The following KLHL29 variants were observed in gnomAD, a reference collection of about 807,000 sequenced individuals.
KLHL29 encodes kelch-like protein 29.
Under a neutral mutation model 80.4 loss-of-function variants are expected in KLHL29, and 21 were observed. The ratio of observed to expected loss-of-function variants is 0.26; its 90% CI spans 0.19 to 0.38. KLHL29 has a LOEUF of 0.38. Ranked by LOEUF, KLHL29 falls within the 10% of genes least tolerant of loss-of-function variation. The pLI, the probability that KLHL29 is intolerant of heterozygous loss-of-function variation, is 1.00. For synonymous variants in KLHL29, 511 were observed against 526.8 expected, an observed-to-expected ratio of 0.97 and a Z score of 0.41; for missense variants, 867 against 1,223.9, an observed-to-expected ratio of 0.71 and a Z score of 4.35.
chr2:23,608,415 A>G (rs1414400416), intron 3 of KLHL29, among the ~76,000 whole-genome samples: 3 of 147,416 alleles, frequency 2.0e-5, no homozygotes. Context: ...CCCCTACAAG[A>G]CTGCAGTCTC....
intron 5 of KLHL29, among the ~76,000 whole-genome samples, chr2:23,655,985 T>A (rs1670233380): frequency 6.6e-6 from 1 of 152,192 alleles, no homozygotes; most frequent in African/African-American, 2.4e-5. Context: ...CGCAGTTGCT[T>A]AAGAGCACAA....
chr2:23,562,509 G>C lies in KLHL29; in HGVS notation c.285+28G>C, dbSNP rs772793592. On this transcript the variant is annotated intron_variant, in intron 3 of 13. Coordinates refer to ENST00000486442, the MANE Select transcript of KLHL29 (RefSeq NM_052920.2). The surrounding 1 kb of genome is among the most constrained non-coding windows in gnomAD (Gnocchi z 4.5). ...AAGATGTGGTGTCATCTCTGAGCAG[G>C]AGCCGGACAGAGGGGCCCTGCCTCC... The C allele has an allele frequency of 6.5e-7, 1 of 1,532,458 alleles. No homozygotes were observed. The highest frequency in any genetic ancestry group is 2.0e-5 in the Admixed American group (1 of 50,780). The allele number at this position is 1,532,458 out of a possible 1,614,324, so 94.9% of individuals were successfully genotyped here. A position where few individuals can be genotyped will look rare whatever the true frequency, so the allele number is the denominator to read the frequency against.
chr2:23,421,479 T>C (rs1052643807), intron 1 of KLHL29, among the ~76,000 whole-genome samples: 2 of 151,762 alleles, frequency 1.3e-5, no homozygotes, highest in African/African-American at 4.8e-5. Context: ...TGGTACAAAG[T>C]CATTCTGCTT....
chr2:23,524,439 G>A (rs968471880), intron 2 of KLHL29: 43 of 171,528 alleles, frequency 2.5e-4, no homozygotes, highest in African/African-American at 9.4e-4. Flanking sequence ...TGTGAGTCAC[G>A]GTGATGGATG....
chr2:23,689,549 C>G (rs1346042644), intron 6 of KLHL29: 3 of 152,360 alleles, frequency 2.0e-5, no homozygotes, highest in Non-Finnish European at 4.4e-5. Context: ...CTGAAGTCCC[C>G]CTGGGCTCAG....
At chr2:23,474,706 G>C (rs1170539744) in intron 1 of KLHL29, among the ~76,000 whole-genome samples, 1 of 152,116 alleles carries the variant, frequency 6.6e-6, no homozygotes, top group Non-Finnish European at 1.5e-5. Flanking sequence ...CCATAAGGCA[G>C]AATGAGTTTA....
chr2:23,578,012 G>A (rs917076068), intron 3 of KLHL29, among the ~76,000 whole-genome samples: 7 of 152,164 alleles, frequency 4.6e-5, no homozygotes, highest in African/African-American at 1.2e-4. Flanking sequence ...GGGCCATTCT[G>A]AAGCCACTGA....
intron 2 of KLHL29, among the ~76,000 whole-genome samples, chr2:23,520,992 A>ACCGCC (rs1485391256): frequency 1.1e-5 from 1 of 91,142 alleles, no homozygotes; most frequent in Admixed American, 1.1e-4. Context: ...TACAAAGACC[A>ACCGCC]CCCCCCCCCC....
At chr2:23,545,028 G>GAGGA (rs1666946201) in intron 2 of KLHL29, among the ~76,000 whole-genome samples, 2 of 152,228 alleles carry the variant, frequency 1.3e-5, no homozygotes, top group African/African-American at 4.8e-5. Flanking sequence ...GAATGAGGGT[G>GAGGA]AGGAAGGAAG....
chr2:23,561,167 C>A (rs930064330), intron 2 of KLHL29, among the ~76,000 whole-genome samples: 48 of 152,260 alleles, frequency 3.2e-4, no homozygotes, highest in African/African-American at 1.1e-3. Context: ...CATGCCCTCT[C>A]CCCTCTGTCT....
At chr2:23,579,344 C>G (rs1471258776) in intron 3 of KLHL29, among the ~76,000 whole-genome samples, 1 of 152,200 alleles carries the variant, frequency 6.6e-6, no homozygotes, top group Non-Finnish European at 1.5e-5. Flanking sequence ...ACTCCCAGTT[C>G]TTTTCCCCAG....
At chr2:23,659,069 C>T (rs1302721175) in intron 5 of KLHL29, among the ~76,000 whole-genome samples, 1 of 152,170 alleles carries the variant, frequency 6.6e-6, no homozygotes, top group Non-Finnish European at 1.5e-5. Context: ...TTTAGAACAC[C>T]CCCGCTGCTG....
intron 5 of KLHL29, among the ~76,000 whole-genome samples, chr2:23,658,644 A>G (rs1274523188): frequency 1.3e-5 from 2 of 152,174 alleles, no homozygotes; most frequent in African/African-American, 2.4e-5. Flanking sequence ...TGAGCCAGTC[A>G]GGGGCCGCCG....
rs910946041 is a variant in KLHL29 at position 23,642,524 on chromosome 2, C to T, written c.614C>T (p.Ser205Leu). 1.1e-5 allele frequency: 17 copies of T among 1,534,840 alleles called. No homozygotes were observed. Among genetic ancestry groups the T allele is most frequent in the South Asian group, 2.4e-5 (2 of 82,850 alleles). ...CTCCCGCTGATGCCAGGCCACTACTCGCTCCCTCAGCCGCCCTCTCAGCCA... is the reference window on the plus strand; with the variant it reads ...CTCCCGCTGATGCCAGGCCACTACTTGCTCCCTCAGCCGCCCTCTCAGCCA... ...PQLPLMPGHY[S>L]LPQPPSQPLS... The change falls in exon 5 of 14, where the codon TCG (serine) becomes TTG (leucine). Residue 205 changes from serine to leucine, a missense_variant. Coordinates refer to ENST00000486442, the MANE Select transcript of KLHL29 (RefSeq NM_052920.2).
At chr2:23,398,618 C>G (rs942079875) in intron 1 of KLHL29, among the ~76,000 whole-genome samples, 6 of 152,224 alleles carry the variant, frequency 3.9e-5, no homozygotes, top group Non-Finnish European at 7.3e-5. Flanking sequence ...CGTGGTCAAC[C>G]CTGCCGTGTT....
At chr2:23,611,380 G>A (rs1668868522) in intron 3 of KLHL29, among the ~76,000 whole-genome samples, 1 of 152,158 alleles carries the variant, frequency 6.6e-6, no homozygotes, top group South Asian at 2.1e-4. Context: ...GGGTTCCAGT[G>A]ACCCCTGTAC....
chr2:23,550,997 A>C (rs1204059380), intron 2 of KLHL29, among the ~76,000 whole-genome samples: 1 of 152,238 alleles, frequency 6.6e-6, no homozygotes, highest in Non-Finnish European at 1.5e-5. Context: ...GACTACAGGG[A>C]AACGGGGCTG....
intron 3 of KLHL29, among the ~76,000 whole-genome samples, chr2:23,613,194 A>G (rs1668912625): frequency 6.6e-6 from 1 of 152,230 alleles, no homozygotes; most frequent in Non-Finnish European, 1.5e-5. Flanking sequence ...AGAGAGCATT[A>G]GCAAAATGAT....
intron 5 of KLHL29, among the ~76,000 whole-genome samples, chr2:23,661,864 G>A (rs535016557): frequency 2.6e-5 from 4 of 152,346 alleles, no homozygotes; most frequent in African/African-American, 7.2e-5. Flanking sequence ...CCAGCCAAAC[G>A]GTGCCTGCCC....
Sources: gnomAD v4.1 joint callset for allele counts (sites outside exome capture counted in the v4.1 genomes callset) on GRCh38, gnomAD v4.1.1 for gene constraint, Gnocchi (gnomAD v3.1) non-coding constraint, MANE v1.5 for transcripts, NCBI Gene and HGNC (gene_info 2026-07-23, HGNC 2026-07-21) for gene names.